Variants in PCDHGB2 observed in about 807,000 individuals in gnomAD.
PCDHGB2 encodes the protein protocadherin gamma subfamily B, 2.
In PCDHGB2, 55 loss-of-function variants were observed where a neutral mutation model predicts 59.3. The observed-to-expected ratio is 0.93, with a 90% CI of 0.75 to 1.16. PCDHGB2 has a LOEUF of 1.16. PCDHGB2 is among the 50% of genes most tolerant of loss of function. The pLI is 0.00. For synonymous variants in PCDHGB2, 516 were observed against 512.0 expected (o/e 1.01, Z -0.11); for missense variants, 1,228 against 1,198.5 (o/e 1.02, Z -0.36).
chr5:141,427,361 A>ACC (rs781206288), intron 1 of PCDHGB2: 1 of 457,772 alleles, frequency 2.2e-6, no homozygotes, highest in South Asian at 1.5e-5. Context: ...AGGACGCAGA[A>ACC]CCCTGGACGG....
At chr5:141,375,619 G>C in intron 1 of PCDHGB2, 1 of 1,614,216 alleles carries the variant, frequency 6.2e-7, no homozygotes, top group Non-Finnish European at 8.5e-7. Flanking sequence ...CCGACACTGG[G>C]ATTCTGTACG....
At chr5:141,480,240 CAAA>C (rs11374694) in intron 1 of PCDHGB2, among the ~76,000 whole-genome samples, 1 of 114,046 alleles carries the variant, frequency 8.8e-6, no homozygotes, top group African/African-American at 3.3e-5. Flanking sequence ...CCTGTCTCTA[CAAA>C]AAAAAAAAAA....
At chr5:141,371,869 T>C (rs1159672282) in intron 1 of PCDHGB2, 2 of 1,613,426 alleles carry the variant, frequency 1.2e-6, no homozygotes, top group African/African-American at 1.3e-5. Flanking sequence ...TACTACATCG[T>C]GGCCAGTGAC....
At chr5:141,447,623 C>G (rs940221130) in intron 1 of PCDHGB2, among the ~76,000 whole-genome samples, 1 of 152,042 alleles carries the variant, frequency 6.6e-6, no homozygotes, top group African/African-American at 2.4e-5. Flanking sequence ...AAAGTTGAAA[C>G]CAACAGTATG....
intron 1 of PCDHGB2, among the ~76,000 whole-genome samples, chr5:141,437,588 A>G (rs1399641711): frequency 6.6e-6 from 1 of 152,134 alleles, no homozygotes; most frequent in African/African-American, 2.4e-5. Context: ...CATGAATTGG[A>G]TAGTTCTGGT....
At chr5:141,405,659 G>T (rs867774573) in intron 1 of PCDHGB2, among the ~76,000 whole-genome samples, 1 of 152,106 alleles carries the variant, frequency 6.6e-6, no homozygotes, top group East Asian at 1.9e-4. Flanking sequence ...TGTGTTTTTA[G>T]TAGAGACGGG....
At chr5:141,415,046 G>C in intron 1 of PCDHGB2, 1 of 1,613,468 alleles carries the variant, frequency 6.2e-7, no homozygotes, top group Non-Finnish European at 8.5e-7. Context: ...TTCGCGGTGG[G>C]GGAGCACACG....
chr5:141,414,255 G>A (rs776584940), intron 1 of PCDHGB2: 12 of 1,613,350 alleles, frequency 7.4e-6, no homozygotes, highest in Non-Finnish European at 1.0e-5. Flanking sequence ...TTAGTCCAGT[G>A]ACTGAAGATT....
chr5:141,360,586 A>G lies in PCDHGB2; in HGVS notation c.451A>G (p.Thr151Ala), dbSNP rs1761662791. 1 of 1,613,974 alleles carries G rather than the reference A, an allele frequency of 6.2e-7. No homozygotes were observed. The highest frequency in any genetic ancestry group is 1.7e-5 in the Admixed American group (1 of 60,024). The change falls in exon 1 of 4, where the codon ACA (threonine) becomes GCA (alanine). Residue 151 changes from threonine to alanine, a missense_variant. Thr to Ala is a moderately conservative substitution (Grantham distance 58). Coordinates refer to ENST00000522605, the MANE Select transcript of PCDHGB2 (RefSeq NM_018923.3). ...TGGCGAATCCACTAAGCCAGGTACA[A>G]CATTTCCACTTGACCCAGCCCTGGA... is the stretch of plus-strand genomic sequence containing the variant. ...KIGESTKPGT[T>A]FPLDPALDSD... is the part of the protein sequence containing the mutation.
At position 141,510,984 on chromosome 5, in the gene PCDHGB2, C is replaced by A. The variant is rs375865663; in HGVS notation, c.2607C>A (p.Ala869=). 6.2e-7 allele frequency: 1 copy of A among 1,614,162 alleles called. No individual in the cohort carries two copies. The highest frequency in any genetic ancestry group is 8.5e-7 in the Non-Finnish European group (1 of 1,180,012). The part of the protein sequence containing the change: ...ADGSSTLGGG[A]GTMGLSARYG... The stretch of plus-strand genomic sequence containing the variant: ...GGAGCTCCACCCTGGGAGGGGGTGC[C>A]GGCACCATGGGATTGAGCGCCCGCT... Residue 869 remains alanine, a synonymous_variant, in exon 4 of 4, where the codon GCC becomes GCA. Coordinates refer to ENST00000522605, the MANE Select transcript of PCDHGB2 (RefSeq NM_018923.3).
chr5:141,407,317 T>G (rs1268885358), intron 1 of PCDHGB2, among the ~76,000 whole-genome samples: 1 of 152,198 alleles, frequency 6.6e-6, no homozygotes, highest in Non-Finnish European at 1.5e-5. Flanking sequence ...TCATACTTAG[T>G]ATTTATAAAT....
intron 1 of PCDHGB2, chr5:141,374,529 C>G: frequency 6.2e-7 from 1 of 1,613,042 alleles, no homozygotes; most frequent in East Asian, 2.2e-5. Flanking sequence ...GCAGCTCCAT[C>G]CTCTCGTTTT....
intron 1 of PCDHGB2, chr5:141,364,818 G>C (rs897458319): frequency 2.0e-5 from 33 of 1,613,896 alleles, no homozygotes; most frequent in Non-Finnish European, 2.5e-5. Context: ...GCGGATGTGG[G>C]TGTGAACTCT....
intron 1 of PCDHGB2, among the ~76,000 whole-genome samples, chr5:141,381,832 T>TTTG (rs1185630457): frequency 7.4e-6 from 1 of 135,134 alleles, no homozygotes; most frequent in Non-Finnish European, 1.6e-5. Flanking sequence ...TCTTCTTTTT[T>TTTG]TTTTTTTTTT....
At chr5:141,389,984 C>A (rs1388496409) in intron 1 of PCDHGB2, 1 of 1,613,952 alleles carries the variant, frequency 6.2e-7, no homozygotes, top group East Asian at 2.2e-5. Flanking sequence ...TCTCAGTGCT[C>A]TTCCTCGTGG....
intron 1 of PCDHGB2, chr5:141,421,421 T>A (rs982627903): frequency 6.2e-7 from 1 of 1,613,876 alleles, no homozygotes; most frequent in Non-Finnish European, 8.5e-7. Flanking sequence ...AAGCGCGGAG[T>A]CCGCATCGTC....
chr5:141,436,958 G>C (rs2097855854), intron 1 of PCDHGB2, among the ~76,000 whole-genome samples: 1 of 152,124 alleles, frequency 6.6e-6, no homozygotes, highest in Non-Finnish European at 1.5e-5. Context: ...ATCTAAACAA[G>C]GATCTTGTGA....
At position 141,361,228 on chromosome 5, in the gene PCDHGB2, G is replaced by A; in HGVS notation, c.1093G>A (p.Val365Met). The change falls in exon 1 of 4, where the codon GTG becomes ATG. Residue 365 changes from valine (V) to methionine (M), a missense_variant. Transcript: ENST00000522605. ...ACCGGAGGATTCGCCACCAGGAACA[G>A]TGATCGCCTTGATAAAAACGAGAGA... ...PLPEDSPPGT[V>M]IALIKTRDRD... 6.2e-7 allele frequency: 1 copy of A among 1,614,000 alleles called. No individual in the cohort carries two copies.
intron 1 of PCDHGB2, among the ~76,000 whole-genome samples, chr5:141,444,402 C>A (rs916833331): frequency 6.6e-6 from 1 of 151,932 alleles, no homozygotes; most frequent in Admixed American, 6.6e-5. Flanking sequence ...AACTCCCAAC[C>A]TCAGGTGATC....
Sources: gnomAD v4.1 joint callset for allele counts (sites outside exome capture counted in the v4.1 genomes callset) on GRCh38, gnomAD v4.1.1 for gene constraint, MANE v1.5 for transcripts, NCBI Gene and HGNC (gene_info 2026-07-23, HGNC 2026-07-21) for gene names.